SLC17A1: variants seen among roughly 807,000 people sequenced by gnomAD.
SLC17A1 encodes sodium-dependent phosphate transport protein 1.
In SLC17A1, 51 loss-of-function variants were observed where a neutral mutation model predicts 53.5. The ratio of observed to expected loss-of-function variants is 0.95; its 90% confidence interval spans 0.76 to 1.20. SLC17A1 has a LOEUF of 1.20. Among genes scored for constraint, SLC17A1 ranks in the 50% most tolerant of loss-of-function variants. The pLI, the probability that SLC17A1 is intolerant of heterozygous loss-of-function variation, is 0.00. For synonymous variants in SLC17A1, 179 were observed against 198.8 expected (o/e 0.90, Z 0.84); for missense variants, 538 against 568.2 (o/e 0.95, Z 0.54).
chr6:25,726,807 G>T, the SLC17A1 span: 1 of 1,381,318 alleles, frequency 7.2e-7, no homozygotes, highest in Non-Finnish European at 9.9e-7. Context: ...TTGGAGCTGA[G>T]GTCATTTGGA....
Position 25,826,569 on chromosome 6 carries a change from T to C in SLC17A1, c.99A>G (p.Ile33Met), listed in dbSNP as rs902485743. The change falls in exon 3 of 13, where the codon ATA (isoleucine) becomes ATG (methionine). Residue 33 changes from isoleucine (I) to methionine (M), a missense_variant. Physicochemically the swap from Ile to Met is conservative, Grantham distance 10. Transcript: ENST00000244527. ...GGTTCAGGCACGCACGCTGTGCTGT[T>C]ATTATAACATTACAACAGTGCACAA... ...SFLVHCCNVI[I>M]TAQRACLNLT... The C allele has an allele frequency of 1.2e-6, 2 of 1,611,906 alleles. No homozygotes were observed. The highest frequency in any genetic ancestry group is 1.7e-6 in the Non-Finnish European group (2 of 1,178,732).
At chr6:25,805,446 T>G (rs536922910) in intron 10 of SLC17A1, among the ~76,000 whole-genome samples, 57 of 152,002 alleles carry the variant, frequency 3.7e-4, no homozygotes, top group African/African-American at 1.4e-3. Flanking sequence ...ATTGACAACC[T>G]AATGTCACAC....
the SLC17A1 span, chr6:25,731,725 C>A: frequency 1.6e-6 from 2 of 1,214,950 alleles, no homozygotes; most frequent in Non-Finnish European, 2.3e-6. Context: ...TAGAAACTTT[C>A]ATTGGCTCTT....
At chr6:25,820,962 A>G (rs1451715998) in intron 3 of SLC17A1, among the ~76,000 whole-genome samples, 1 of 151,726 alleles carries the variant, frequency 6.6e-6, no homozygotes, top group African/African-American at 2.4e-5. Context: ...TGTTGAGACT[A>G]TGAGGGACGA....
the SLC17A1 span, chr6:25,726,115 C>T: frequency 0.98 from 1,475,265 of 1,504,192 alleles, 723,951 homozygotes; most frequent in Non-Finnish European, 0.99. Flanking sequence ...AGTCTTTTTA[C>T]CAATGACAAC....
At chr6:25,801,506 G>A (rs1302270939) in intron 10 of SLC17A1, among the ~76,000 whole-genome samples, 1 of 152,170 alleles carries the variant, frequency 6.6e-6, no homozygotes, top group Non-Finnish European at 1.5e-5. Flanking sequence ...AAGCTGCAGC[G>A]AACGATAGAT....
intron 10 of SLC17A1, among the ~76,000 whole-genome samples, chr6:25,806,753 G>A (rs946226619): frequency 6.6e-6 from 1 of 152,086 alleles, no homozygotes; most frequent in Non-Finnish European, 1.5e-5. Context: ...CCCACAGAAT[G>A]GGTGAAAAGA....
the SLC17A1 span, among the ~76,000 whole-genome samples, chr6:25,744,050 G>A: frequency 0.12 from 18,115 of 152,198 alleles, 1,139 homozygotes; most frequent in Middle Eastern, 0.21. Flanking sequence ...GTCATTGAAG[G>A]CACTAGGGTG....
Position 25,831,976 on chromosome 6 carries a change from T to C in SLC17A1, c.-51+18A>G, listed in dbSNP as rs1764964787. 6.6e-6 allele frequency: 1 copy of C among 152,214 alleles called. No individual in the cohort carries two copies. The highest frequency in any genetic ancestry group is 2.1e-4 in the South Asian group (1 of 4,826). The allele number at this position is 152,214 out of a possible 1,614,324, so 9.4% of individuals were successfully genotyped here. On this transcript the variant is annotated intron_variant, in intron 1 of 12. Coordinates refer to ENST00000244527, the MANE Select transcript of SLC17A1 (RefSeq NM_005074.5). ...TCAACTGATTGCTCATTTCATTTAA[T>C]GAGCCCCGTAGACTAACCTGATTCG...
chr6:25,828,632 G>T, intron 2 of SLC17A1, among the ~76,000 whole-genome samples: 1 of 151,390 alleles, frequency 6.6e-6, no homozygotes, highest in African/African-American at 2.4e-5. Flanking sequence ...TTTAGGATTT[G>T]GTGTCTTTAT....
chr6:25,779,400 T>C, downstream of SLC17A1: 4 of 537,566 alleles, frequency 7.4e-6, no homozygotes, highest in Non-Finnish European at 1.3e-5. Context: ...TGTGTTGAGA[T>C]TTCTGTGTTC....
chr6:25,769,911 TTA>T, the SLC17A1 span, among the ~76,000 whole-genome samples: 1 of 152,158 alleles, frequency 6.6e-6, no homozygotes, highest in Non-Finnish European at 1.5e-5. Context: ...GGGCATATAT[TTA>T]GGGTTTTTAA....
rs1194371624 is a variant in SLC17A1 at position 25,826,482 on chromosome 6, C to T, written c.186G>A (p.Lys62=). 6.2e-7 allele frequency: 1 copy of T among 1,605,728 alleles called. No homozygotes were observed. The highest frequency in any genetic ancestry group is 1.7e-5 in the Admixed American group (1 of 58,384). ...GTACCTTTATATTATCCAGGAGCTT[C>T]TTTGTGGAGGTGTTGGGCAAACCAT... The part of the protein sequence containing the change: ...DPHGLPNTST[K]KLLDNIKNPM... The change falls in exon 3 of 13, where the codon AAG becomes AAA. Residue 62 remains lysine (K), a synonymous_variant. Transcript: ENST00000244527.
chr6:25,731,638 A>G, the SLC17A1 span: 35 of 500,784 alleles, frequency 7.0e-5, no homozygotes, highest in African/African-American at 6.5e-4. Flanking sequence ...TAACCATGTT[A>G]TGCCTAGTCT....
the SLC17A1 span, among the ~76,000 whole-genome samples, chr6:25,733,800 G>A: frequency 2.9e-5 from 3 of 103,400 alleles, no homozygotes; most frequent in African/African-American, 1.1e-4. Flanking sequence ...GTGTGTGTGT[G>A]TGTGTATGTG....
the SLC17A1 span, chr6:25,732,831 C>G: frequency 2.3e-6 from 1 of 428,654 alleles, no homozygotes; most frequent in Non-Finnish European, 4.1e-6. Context: ...GAATAACCAC[C>G]CAAGTTGTAA....
the SLC17A1 span, among the ~76,000 whole-genome samples, chr6:25,763,309 C>A: frequency 6.6e-6 from 1 of 152,202 alleles, no homozygotes; most frequent in African/African-American, 2.4e-5. Flanking sequence ...TAACACTCAT[C>A]CTGTTTTGGT....
chr6:25,733,677 C>T, the SLC17A1 span, among the ~76,000 whole-genome samples: 2 of 151,738 alleles, frequency 1.3e-5, no homozygotes, highest in Non-Finnish European at 2.9e-5. Context: ...ATATAATGGA[C>T]ACACTGAGAT....
At position 25,830,607 on chromosome 6, in the gene SLC17A1, A is replaced by T. The variant is rs777460557; in HGVS notation, c.-50T>A. On this transcript the variant is annotated splice_region_variant and 5_prime_UTR_variant, in exon 2 of 13. Coordinates refer to ENST00000244527, the MANE Select transcript of SLC17A1 (RefSeq NM_005074.5). ...TTGCTGAAGGGTTTTGCCTCCACCCACTGTGAGTGCAAAACACGTTGATGT... is the reference window on the plus strand; with the variant it reads ...TTGCTGAAGGGTTTTGCCTCCACCCTCTGTGAGTGCAAAACACGTTGATGT... The T allele has an allele frequency of 6.2e-7, 1 of 1,610,722 alleles. No individual in the cohort carries two copies. The highest frequency in any genetic ancestry group is 1.7e-5 in the Admixed American group (1 of 59,978).
Sources: gnomAD v4.1 joint callset for allele counts (sites outside exome capture counted in the v4.1 genomes callset) on GRCh38, gnomAD v4.1.1 for gene constraint, MANE v1.5 for transcripts, NCBI Gene and HGNC (gene_info 2026-07-23, HGNC 2026-07-21) for gene names.